Variants in NTM observed in about 807,000 individuals in gnomAD.
NTM encodes IgLON family member 2.
A neutral mutation model predicts 42.1 loss-of-function variants in NTM; 13 were observed. The observed-to-expected ratio is 0.31, with a 90% confidence interval of 0.20 to 0.49. The LOEUF is 0.49. Ranked by LOEUF, NTM falls within the 20% of genes least tolerant of loss-of-function variation. The pLI is 0.99. For synonymous variants in NTM, 187 were observed against 179.2 expected (o/e 1.04, Z -0.35); for missense variants, 373 against 452.8 (o/e 0.82, Z 1.60).
rs375474147 is a variant in NTM at position 131,756,584 on chromosome 11, A to C, written c.83-154980A>C. On this transcript the variant is annotated intron_variant, in intron 1 of 8. Transcript: ENST00000683400. ...GCACTTGTGGTCCCAGCTACTGGGG[A>C]GGCTGAGGTGGGAGGTTGGCTTGAG... Among the ~76,000 whole-genome samples the C allele has an allele frequency of 6.0e-5, 9 of 151,038 alleles. No individual in the cohort carries two copies. In the East Asian group the frequency reaches 9.8e-4, roughly 16 times the overall value.
rs147356883 is a variant in NTM at position 131,743,435 on chromosome 11, C to T, written c.83-168129C>T. 2.7e-3 allele frequency among the ~76,000 whole-genome samples: 411 copies of T among 152,200 alleles called. 3 individuals carry two copies. The highest frequency in any genetic ancestry group is 0.024 in the Middle Eastern group (7 of 294). On this transcript the variant is annotated intron_variant, in intron 1 of 8. Coordinates refer to ENST00000683400, the MANE Select transcript of NTM (RefSeq NM_001352005.2). ...AGAAATCAGATGTGGTGTGTTTCTG[C>T]AAGAATTATGAAACAAAATAAAACC...
intron 2 of NTM, among the ~76,000 whole-genome samples, chr11:132,115,905 A>G (rs1442258352): frequency 6.6e-6 from 1 of 152,150 alleles, no homozygotes; most frequent in Non-Finnish European, 1.5e-5. Context: ...TGGGGCAAAT[A>G]AGCAAAACAA....
At chr11:132,041,618 A>G (rs2077215002) in intron 2 of NTM, among the ~76,000 whole-genome samples, 1 of 152,172 alleles carries the variant, frequency 6.6e-6, no homozygotes, top group African/African-American at 2.4e-5. Flanking sequence ...AGCAAATCCA[A>G]TATTTAGGAG....
rs544528000 is a variant in NTM at position 131,718,873 on chromosome 11, G to A, written c.83-192691G>A. 3.3e-3 allele frequency among the ~76,000 whole-genome samples: 509 copies of A among 152,154 alleles called. 2 individuals are homozygous for A. Among genetic ancestry groups the A allele is most frequent in the Non-Finnish European group, 4.9e-3 (330 of 68,002 alleles). On this transcript the variant is annotated intron_variant, in intron 1 of 8. Transcript: ENST00000683400. ...CTGGGATGAATGCTGTGCTCCTCTC[G>A]TTTTCCATCTCTCAGGAGTAATTAT...
intron 2 of NTM, among the ~76,000 whole-genome samples, chr11:132,049,499 C>G (rs962933742): frequency 6.6e-5 from 10 of 152,194 alleles, no homozygotes; most frequent in African/African-American, 2.4e-4. Context: ...TTCTAGTGAG[C>G]AGAGGATCAG....
chr11:131,376,921 T>G (rs1342504547), intron 1 of NTM, among the ~76,000 whole-genome samples: 4 of 152,172 alleles, frequency 2.6e-5, no homozygotes, highest in Non-Finnish European at 4.4e-5. Context: ...CTGTTTTAGG[T>G]GCTGGAGATA....
chr11:132,213,515 C>T (rs2138699711), intron 4 of NTM, among the ~76,000 whole-genome samples: 1 of 152,202 alleles, frequency 6.6e-6, no homozygotes, highest in Middle Eastern at 3.4e-3. Context: ...GCCGGTCCTT[C>T]TGTGAGGCAT....
At position 132,266,200 on chromosome 11, in the gene NTM, G is replaced by A. The variant is rs948934866; in HGVS notation, c.527-41489G>A. On this transcript the variant is annotated intron_variant, in intron 4 of 8. Coordinates refer to ENST00000683400, the MANE Select transcript of NTM (RefSeq NM_001352005.2). ...AGTCTTTTGTGGGAAGGAGGGACAGGGATTGATCACTCCTGGTTGAAGCCT... is the reference window on the plus strand; with the variant it reads ...AGTCTTTTGTGGGAAGGAGGGACAGAGATTGATCACTCCTGGTTGAAGCCT... Among the ~76,000 whole-genome samples the A allele has an allele frequency of 2.0e-5, 3 of 152,114 alleles. No individual in the cohort carries two copies. In the East Asian group the frequency reaches 5.8e-4, roughly 29 times the overall value.
chr11:131,982,224 A>C (rs1159516261), intron 2 of NTM, among the ~76,000 whole-genome samples: 1 of 152,076 alleles, frequency 6.6e-6, no homozygotes, highest in African/African-American at 2.4e-5. Context: ...TCTCATGGGA[A>C]GGGAGGCTCC....
intron 2 of NTM, among the ~76,000 whole-genome samples, chr11:132,139,481 C>T (rs961890334): frequency 6.6e-6 from 1 of 152,132 alleles, no homozygotes; most frequent in African/African-American, 2.4e-5. Flanking sequence ...TCACGGCCCA[C>T]CAAACTCAAC....
At chr11:131,869,097 C>G (rs528356231) in intron 1 of NTM, among the ~76,000 whole-genome samples, 2 of 98,102 alleles carry the variant, frequency 2.0e-5, no homozygotes, top group Non-Finnish European at 5.1e-5. Flanking sequence ...CACCCCCCAG[C>G]CCCCCGCAAT....
intron 1 of NTM, among the ~76,000 whole-genome samples, chr11:131,885,113 G>A (rs1565677334): frequency 6.6e-6 from 1 of 152,212 alleles, no homozygotes; most frequent in Non-Finnish European, 1.5e-5. Flanking sequence ...GCTCTGAGGA[G>A]TGAGTAGGTC....
chr11:131,936,219 A>C (rs2059202032), intron 2 of NTM, among the ~76,000 whole-genome samples: 1 of 152,232 alleles, frequency 6.6e-6, no homozygotes, highest in Non-Finnish European at 1.5e-5. Context: ...AAATTAAAAT[A>C]ATAAGTTTGA....
At chr11:132,209,225 T>G (rs2082446736) in intron 3 of NTM, among the ~76,000 whole-genome samples, 1 of 152,244 alleles carries the variant, frequency 6.6e-6, no homozygotes, top group Non-Finnish European at 1.5e-5. Flanking sequence ...TCAGTTACCT[T>G]TCTGTCCTGG....
chr11:131,702,580 C>T (rs1185408593), intron 1 of NTM, among the ~76,000 whole-genome samples: 1 of 152,132 alleles, frequency 6.6e-6, no homozygotes, highest in African/African-American at 2.4e-5. Flanking sequence ...TGGGATGAAA[C>T]AGAGAGCAGC....
At chr11:131,976,596 C>T in intron 2 of NTM, among the ~76,000 whole-genome samples, 1 of 152,106 alleles carries the variant, frequency 6.6e-6, no homozygotes, top group Non-Finnish European at 1.5e-5. Context: ...TCCTCTCCAC[C>T]CTCTTTCACC....
chr11:132,320,892 G>A (rs1391828669), intron 7 of NTM, among the ~76,000 whole-genome samples: 5 of 151,532 alleles, frequency 3.3e-5, no homozygotes, highest in Admixed American at 1.3e-4. Flanking sequence ...AGCCTAACTG[G>A]GAGGCACCCC....
chr11:131,677,335 A>G (rs1438715644), intron 1 of NTM, among the ~76,000 whole-genome samples: 1 of 152,220 alleles, frequency 6.6e-6, no homozygotes, highest in Non-Finnish European at 1.5e-5. Context: ...GTTGGGAATG[A>G]CATGGCATAT....
chr11:131,967,049 G>T (rs1257849044), intron 2 of NTM, among the ~76,000 whole-genome samples: 1 of 152,230 alleles, frequency 6.6e-6, no homozygotes, highest in Non-Finnish European at 1.5e-5. Context: ...GATGGGCTAT[G>T]ATGTGGGCAA....
Sources: allele counts gnomAD v4.1 joint callset (sites outside exome capture counted in the v4.1 genomes callset), GRCh38; gene constraint gnomAD v4.1.1; transcripts MANE v1.5; gene names NCBI Gene and HGNC (gene_info 2026-07-23, HGNC 2026-07-21).